Variants in BEND6 observed in about 807,000 individuals in gnomAD.
BEND6 encodes the protein BEN domain containing 6.
BEND6 carries 24 observed loss-of-function variants against 31.8 expected under a neutral mutation model. The observed-to-expected ratio is 0.75, with a 90% CI of 0.55 to 1.06. The LOEUF (loss-of-function observed/expected upper bound fraction) is 1.06. Among genes scored for constraint, BEND6 ranks in the 50% least tolerant of loss-of-function variants. BEND6 has a pLI of 0.00. For synonymous variants in BEND6, 109 were observed against 114.6 expected (o/e 0.95, Z 0.31); for missense variants, 294 against 327.4 (o/e 0.90, Z 0.79).
chr6:56,986,144 G>A (rs1051583446), intron 2 of BEND6, among the ~76,000 whole-genome samples: 12 of 151,882 alleles, frequency 7.9e-5, no homozygotes, highest in Non-Finnish European at 1.2e-4. Flanking sequence ...TACATTTAAC[G>A]TGGGTATAGC....
At chr6:57,000,581 A>G (rs1340879605) in intron 3 of BEND6, among the ~76,000 whole-genome samples, 1 of 150,716 alleles carries the variant, frequency 6.6e-6, no homozygotes, top group East Asian at 1.9e-4. Context: ...TACTAAAAAA[A>G]CAAACAAAAA....
At chr6:57,011,715 CAAAAAAAAAA>C (rs770049459) in intron 3 of BEND6, among the ~76,000 whole-genome samples, 101 of 34,112 alleles carry the variant, frequency 3.0e-3, no homozygotes, top group African/African-American at 9.0e-3. Context: ...GGCCCTGTCT[CAAAAAAAAAA>C]AAAAAAAAAA....
chr6:56,962,955 G>A (rs1372850544), intron 1 of BEND6, among the ~76,000 whole-genome samples: 2 of 152,098 alleles, frequency 1.3e-5, no homozygotes, highest in South Asian at 2.1e-4. Flanking sequence ...AATGCTTTAC[G>A]TGCATTTACT....
At chr6:57,011,075 T>C (rs1827325602) in intron 3 of BEND6, 1 of 160,838 alleles carries the variant, frequency 6.2e-6, no homozygotes. Context: ...CATGCTCCAA[T>C]AGATAATTGA....
chr6:57,025,208 A>T lies in BEND6; in HGVS notation c.*10-874A>T, dbSNP rs560625381. Reference sequence around the variant, plus strand: ...CACATATCACCGTCTCACTAAGGTCAGTCACTGATTTCTTGCTTTGTCTGT... The same window carrying T: ...CACATATCACCGTCTCACTAAGGTCTGTCACTGATTTCTTGCTTTGTCTGT... On this transcript the variant is annotated intron_variant, in intron 6 of 6. Coordinates refer to ENST00000370746, the MANE Select transcript of BEND6 (RefSeq NM_152731.3). 5.9e-5 allele frequency among the ~76,000 whole-genome samples: 9 copies of T among 152,284 alleles called. No homozygotes were observed. In the South Asian group the frequency reaches 1.7e-3, roughly 28 times the overall value.
At chr6:56,982,632 T>G (rs1826111173) in intron 2 of BEND6, among the ~76,000 whole-genome samples, 1 of 152,158 alleles carries the variant, frequency 6.6e-6, no homozygotes. Context: ...GTGTTTTATT[T>G]CATATATTCT....
rs1339450681 is a variant in BEND6 at position 56,992,473 on chromosome 6, CA to C, written c.220del (p.Ile74Ter). The stretch of plus-strand genomic sequence containing the variant: ...AATTGTCAAAGGAAGAATTGTGCGC[CA>C]AAATAAAAAGCCTGAAAGAAAAACT... The part of the protein sequence containing the change: ...AELSKEELCA[K>X]IKSLKEKLTN... On this transcript the variant is annotated frameshift_variant, in exon 3 of 7. Transcript: ENST00000370746. LOFTEE classifies it high-confidence loss of function. 1.2e-6 allele frequency: 2 copies of C among 1,613,922 alleles called. No individual in the cohort carries two copies. Among genetic ancestry groups the C allele is most frequent in the Non-Finnish European group, 1.7e-6 (2 of 1,179,962 alleles).
intron 5 of BEND6, among the ~76,000 whole-genome samples, chr6:57,017,930 C>A (rs1053782085): frequency 6.6e-6 from 1 of 152,204 alleles, no homozygotes; most frequent in African/African-American, 2.4e-5. Flanking sequence ...AAAACTGCTA[C>A]TTCTAACAAC....
At chr6:56,996,784 ACT>A (rs1826730732) in intron 3 of BEND6, among the ~76,000 whole-genome samples, 1 of 152,022 alleles carries the variant, frequency 6.6e-6, no homozygotes, top group Non-Finnish European at 1.5e-5. Context: ...TATTTCTGAA[ACT>A]CAATCCCTTT....
At chr6:57,023,546 T>G (rs1270683747) in intron 6 of BEND6, among the ~76,000 whole-genome samples, 1 of 152,180 alleles carries the variant, frequency 6.6e-6, no homozygotes, top group Non-Finnish European at 1.5e-5. Flanking sequence ...AACATGGTAG[T>G]TGGGTCTTGT....
intron 3 of BEND6, among the ~76,000 whole-genome samples, chr6:57,006,540 C>T (rs908833952): frequency 8.5e-5 from 13 of 152,226 alleles, no homozygotes; most frequent in African/African-American, 3.1e-4. Flanking sequence ...TCTCACTTCA[C>T]ACTAGGTGGC....
chr6:57,020,747 C>A (rs937452254), intron 6 of BEND6, among the ~76,000 whole-genome samples: 1 of 151,844 alleles, frequency 6.6e-6, no homozygotes. Context: ...TGGTATGTTA[C>A]CAGACCTCCA....
chr6:56,955,612 C>T (rs2127833080), intron 1 of BEND6, among the ~76,000 whole-genome samples, 152 bp downstream of exon 1: 1 of 152,050 alleles, frequency 6.6e-6, no homozygotes, highest in East Asian at 1.9e-4. Context: ...ACGCTCTGGT[C>T]GGCAGAGGTG....
intron 1 of BEND6, among the ~76,000 whole-genome samples, chr6:56,981,448 GAAA>G (rs764106331): frequency 6.6e-6 from 1 of 152,050 alleles, no homozygotes; most frequent in South Asian, 2.1e-4. Context: ...TGTTTGACAA[GAAA>G]AAAACTTATG....
At chr6:56,976,272 T>A (rs7741507) in intron 1 of BEND6, among the ~76,000 whole-genome samples, 103,602 of 149,822 alleles carry the variant, frequency 0.69, 37,247 homozygotes, top group South Asian at 0.89. Flanking sequence ...CTCGACTCAC[T>A]GCAAGCTCTG....
At chr6:56,987,588 C>T (rs1472128355) in intron 2 of BEND6, among the ~76,000 whole-genome samples, 1 of 152,172 alleles carries the variant, frequency 6.6e-6, no homozygotes, top group Non-Finnish European at 1.5e-5. Flanking sequence ...GATTCATCCC[C>T]TTTCCCCCTA....
At chr6:56,994,063 G>C (rs1455790302) in intron 3 of BEND6, among the ~76,000 whole-genome samples, 1 of 151,996 alleles carries the variant, frequency 6.6e-6, no homozygotes. Context: ...AGTTTTTTGT[G>C]ATTTCCAAAG....
In BEND6 at chr6:56,981,586, AAATT is replaced by A. The variant is rs149999561; in HGVS notation, c.-100-121_-100-118del. On this transcript the variant is annotated intron_variant, in intron 1 of 6. Coordinates refer to ENST00000370746, the MANE Select transcript of BEND6 (RefSeq NM_152731.3). ...TTTGCATCAAATGAAAATGTGTACT[AAATT>A]AATCAGTGGAAGAAAGAATAGGAAA... 2,028 of 351,908 alleles carry A rather than the reference AAATT, an allele frequency of 5.8e-3. 15 individuals are homozygous for A. Among genetic ancestry groups the A allele is most frequent in the African/African-American group, 0.023 (1,067 of 46,066 alleles). The allele number at this position is 351,908 out of a possible 1,614,324, so 21.8% of individuals were successfully genotyped here.
intron 3 of BEND6, among the ~76,000 whole-genome samples, chr6:56,998,569 A>T (rs1182964062): frequency 6.6e-6 from 1 of 152,220 alleles, no homozygotes; most frequent in Non-Finnish European, 1.5e-5. Context: ...GACTCTTGTA[A>T]GTAATGAGAT....
Sources: gnomAD v4.1 joint callset for allele counts (sites outside exome capture counted in the v4.1 genomes callset) on GRCh38, gnomAD v4.1.1 for gene constraint, MANE v1.5 for transcripts, NCBI Gene and HGNC (gene_info 2026-07-23, HGNC 2026-07-21) for gene names.